Variants in MYBBP1A observed in about 807,000 individuals in gnomAD.
The protein encoded by MYBBP1A is MYB binding protein 1a, also known as myb-binding protein 1A.
MYBBP1A carries 147 observed loss-of-function variants against 136.3 expected under a neutral mutation model. That is an observed-to-expected ratio of 1.08 (90% CI 0.94 to 1.24). The LOEUF (loss-of-function observed/expected upper bound fraction) is 1.24, where lower values mean the gene tolerates loss of function less well. Ranked by LOEUF, MYBBP1A falls within the 50% of genes most tolerant of loss-of-function variation. The pLI, the probability that MYBBP1A is intolerant of heterozygous loss-of-function variation, is 0.00. For synonymous variants in MYBBP1A, 947 were observed against 735.8 expected, an observed-to-expected ratio of 1.29 and a Z score of -4.65; for missense variants, 2,060 against 1,727.4, an observed-to-expected ratio of 1.19 and a Z score of -3.41.
At chr17:4,542,826 G>C in intron 20 of MYBBP1A, 85 bp from the exon 21 acceptor site, 2 of 1,601,538 alleles carry the variant, frequency 1.2e-6, no homozygotes, top group Non-Finnish European at 1.7e-6. Flanking sequence ...TCATCAGAAG[G>C]CTGAGGGTTG....
At chr17:4,545,478 G>T (rs1906918898) in intron 15 of MYBBP1A, 132 bp downstream of exon 15, 2 of 1,494,602 alleles carry the variant, frequency 1.3e-6, no homozygotes, top group South Asian at 2.5e-5. Context: ...GCCAGGCCAA[G>T]GCCTCGTTGA....
chr17:4,540,158 CTCCTGCGAGGG>C (rs1906248075), intron 25 of MYBBP1A, among the ~76,000 whole-genome samples, 179 bp downstream of exon 25: 1 of 124,978 alleles, frequency 8.0e-6, no homozygotes, highest in Admixed American at 7.9e-5. Flanking sequence ...TCCTGCGAGG[CTCCTGCGAGGG>C]TCCTGTGAGG....
rs9910964 is a variant in MYBBP1A at position 4,545,029 on chromosome 17, C to T, written c.2307G>A (p.Ala769=). ...QLMTVLQAGK[A]LGGEDSENEE... is the part of the protein sequence containing the mutation. ...CCCCTCCACCTCCCCCACTCACCAG[C>T]GCCTTCCCAGCCTGCAGCACGGTCA... Residue 769 remains alanine (A), a synonymous_variant, in exon 17 of 26, where the codon GCG becomes GCA. Coordinates refer to ENST00000254718, the MANE Select transcript of MYBBP1A (RefSeq NM_014520.4). 19,131 of 1,530,670 alleles carry T rather than the reference C, an allele frequency of 0.012. 1,876 individuals are homozygous for T. The African/African-American group carries it at 0.23, about 18-fold the overall frequency. The allele number at this position is 1,530,670 out of a possible 1,614,324, so 94.8% of individuals were successfully genotyped here. A position where few individuals can be genotyped will look rare whatever the true frequency, so the allele number is the denominator to read the frequency against.
Position 4,541,524 on chromosome 17 carries a change from T to TG in MYBBP1A, c.3235dup (p.His1079ProfsTer21), listed in dbSNP as rs776760324. The TG allele has an allele frequency of 2.6e-5, 42 of 1,613,278 alleles. No homozygotes were observed. Among genetic ancestry groups the TG allele is most frequent in the Non-Finnish European group, 3.6e-5 (42 of 1,180,048 alleles). ...CTCCAGGGAGGACAGTGCCTGCTGA[T>TG]GCTGCGCCTTGGTCTGCGCCTCCCC... On this transcript the variant is annotated frameshift_variant, in exon 24 of 26. Coordinates refer to ENST00000254718, the MANE Select transcript of MYBBP1A (RefSeq NM_014520.4). LOFTEE classifies it high-confidence loss of function.
chr17:4,551,706 T>A (rs1252191725), intron 8 of MYBBP1A, among the ~76,000 whole-genome samples, 174 bp downstream of exon 8: 1 of 150,582 alleles, frequency 6.6e-6, no homozygotes, highest in Admixed American at 6.6e-5. Flanking sequence ...CAAAACTTCA[T>A]CTCAAAAAAA....
chr17:4,545,494 C>T (rs1906921116), intron 15 of MYBBP1A, 116 bp downstream of exon 15: 4 of 1,492,222 alleles, frequency 2.7e-6, no homozygotes, highest in African/African-American at 2.8e-5. Flanking sequence ...GTTGAGACCC[C>T]TCCCACCGGC....
In MYBBP1A at chr17:4,550,044, C is replaced by G; in HGVS notation, c.1319+14G>C. On this transcript the variant is annotated intron_variant, in intron 9 of 25. Transcript: ENST00000254718. Reference sequence around the variant, plus strand: ...AACTCCTAAATTAGGTGTCCTCCCCCAAGGTCCACTCACATGTGGAGCGAT... The same window carrying G: ...AACTCCTAAATTAGGTGTCCTCCCCGAAGGTCCACTCACATGTGGAGCGAT... 6.3e-7 allele frequency: 1 copy of G among 1,597,202 alleles called. No homozygotes were observed. Among genetic ancestry groups the G allele is most frequent in the African/African-American group, 1.3e-5 (1 of 74,458 alleles).
At chr17:4,540,876 T>G (rs893343082) in intron 24 of MYBBP1A, among the ~76,000 whole-genome samples, 2 of 150,236 alleles carry the variant, frequency 1.3e-5, no homozygotes, top group African/African-American at 4.8e-5. Flanking sequence ...TCCGCCAGCT[T>G]CCGGGAGCCC....
intron 8 of MYBBP1A, among the ~76,000 whole-genome samples, 192 bp downstream of exon 8, chr17:4,551,688 G>A (rs1044381263): frequency 1.6e-4 from 25 of 151,924 alleles, no homozygotes; most frequent in Admixed American, 3.3e-4. Context: ...CAGCCTGGGC[G>A]ACAAGAGCAA....
Position 4,548,739 on chromosome 17 carries a change from G to A in MYBBP1A, c.1431-90C>T. ...TGGATGGTACCACCGAGGGTACAAG[G>A]CCAGGAGGAGGAGGAGCCGCCCTTC... is the stretch of plus-strand genomic sequence containing the variant. On this transcript the variant is annotated intron_variant, in intron 10 of 25. Coordinates refer to ENST00000254718, the MANE Select transcript of MYBBP1A (RefSeq NM_014520.4). The surrounding 1 kb of genome is among the most constrained non-coding windows in gnomAD (Gnocchi z 4.2). 1 of 1,558,068 alleles carries A rather than the reference G, an allele frequency of 6.4e-7. No individual in the cohort carries two copies. Among genetic ancestry groups the A allele is most frequent in the Non-Finnish European group, 8.7e-7 (1 of 1,145,354 alleles).
chr17:4,553,687 A>T (rs369876625), intron 5 of MYBBP1A, 123 bp downstream of exon 5: 2 of 712,756 alleles, frequency 2.8e-6, no homozygotes, highest in East Asian at 2.7e-5. Context: ...AGTCACTGAA[A>T]CGCTTCAAAT....
chr17:4,543,055 G>A lies in MYBBP1A; in HGVS notation c.2750C>T (p.Ser917Phe). 6.2e-7 allele frequency: 1 copy of A among 1,613,462 alleles called. No homozygotes were observed. Among genetic ancestry groups the A allele is most frequent in the Non-Finnish European group, 8.5e-7 (1 of 1,179,960 alleles). The change falls in exon 20 of 26, where the codon TCC (serine) becomes TTC (phenylalanine). Residue 917 changes from serine to phenylalanine, a missense_variant. Ser to Phe is a radical substitution (Grantham distance 155, BLOSUM62 -2). Coordinates refer to ENST00000254718, the MANE Select transcript of MYBBP1A (RefSeq NM_014520.4). ...GTTGAAGTGGTAGAGGGCGGTGGGG[G>A]AGTCGGGCTGGCGGCCAGCCTGCTG... ...LVQQAGRQPDSPTALYHFNAS... is the reference protein window; with the variant it reads ...LVQQAGRQPDFPTALYHFNAS...
Position 4,544,666 on chromosome 17 carries a change from TCAGCAACACGGGGGTGGGCGCA to T in MYBBP1A, c.2482-42_2482-21del. 1 of 1,472,942 alleles carries T rather than the reference TCAGCAACACGGGGGTGGGCGCA, an allele frequency of 6.8e-7. No homozygotes were observed. Among genetic ancestry groups the T allele is most frequent in the South Asian group, 1.2e-5 (1 of 82,488 alleles). The allele number at this position is 1,472,942 out of a possible 1,614,324, so 91.2% of individuals were successfully genotyped here. A position where few individuals can be genotyped will look rare whatever the true frequency, so the allele number is the denominator to read the frequency against. On this transcript the variant is annotated intron_variant, in intron 18 of 25. Transcript: ENST00000254718. ...CAGCACCTGCAGCCAGGAGGGCAGG[TCAGCAACACGGGGGTGGGCGCA>T]CAGGGAGGCGGGGGTGGGCGCACAG...
Position 4,552,450 on chromosome 17 carries a change from C to G in MYBBP1A, c.737+1G>C, listed in dbSNP as rs183353470. ...GGCAAATCCGCCCACCTCCATCACA[C>G]CTGGGGACATTCTCATCTGAGAATA... is the stretch of plus-strand genomic sequence containing the variant. On this transcript the variant is annotated splice_donor_variant, in intron 6 of 25. Transcript: ENST00000254718. LOFTEE classifies it high-confidence loss of function. This position sits in a 1 kb window ranked among gnomAD's most constrained non-coding sequence, Gnocchi z 4.7. 2.5e-6 allele frequency: 4 copies of G among 1,612,640 alleles called. No individual in the cohort carries two copies. The African/African-American group carries it at 4.0e-5, about 16-fold the overall frequency.
In MYBBP1A at chr17:4,544,665, G is replaced by A. The variant is rs1228960701; in HGVS notation, c.2482-19C>T. On this transcript the variant is annotated intron_variant, in intron 18 of 25. Transcript: ENST00000254718. ...CCAGCACCTGCAGCCAGGAGGGCAG[G>A]TCAGCAACACGGGGGTGGGCGCACA... The A allele has an allele frequency of 1.2e-5, 18 of 1,537,196 alleles. No homozygotes were observed. Among genetic ancestry groups the A allele is most frequent in the Non-Finnish European group, 1.4e-5 (16 of 1,143,788 alleles).
Position 4,553,818 on chromosome 17 carries a change from G to A in MYBBP1A, c.553C>T (p.Leu185Phe), listed in dbSNP as rs200574983. The A allele has an allele frequency of 1.9e-6, 3 of 1,613,968 alleles. No individual in the cohort carries two copies. The highest frequency in any genetic ancestry group is 1.7e-6 in the Non-Finnish European group (2 of 1,179,960). ...EQPRKALVDI[L>F]SEVSKATLQE... ...AGCTGGGGAGCTCATACCTCGGAGA[G>A]GATGTCCACCAGGGCCTTCCGGGGC... Residue 185 changes from leucine (L) to phenylalanine (F), a missense_variant, in exon 5 of 26, where the codon CTC (leucine) becomes TTC (phenylalanine). Physicochemically the swap from Leu to Phe is conservative, Grantham distance 22. Transcript: ENST00000254718.
intron 22 of MYBBP1A, chr17:4,542,250 C>A (rs563831130): frequency 4.9e-5 from 30 of 607,498 alleles, no homozygotes; most frequent in Middle Eastern, 4.4e-4. Context: ...GCTGGCCCTG[C>A]CCCCTCAGCT....
At chr17:4,541,713 C>T (rs1253455572) in intron 23 of MYBBP1A, 71 bp downstream of exon 23, 1 of 1,506,098 alleles carries the variant, frequency 6.6e-7, no homozygotes, top group Non-Finnish European at 9.2e-7. Context: ...ATCCTCACTT[C>T]TTTCCCAGAG....
Position 4,548,101 on chromosome 17 carries a change from C to G in MYBBP1A, c.1724+42G>C, listed in dbSNP as rs776118003. The stretch of plus-strand genomic sequence containing the variant: ...TTCCCAGGCCCCTGCACCAGTCAGA[C>G]TGCAGCGTCCTGCCCACCCCCTGGA... On this transcript the variant is annotated intron_variant, in intron 12 of 25. Coordinates refer to ENST00000254718, the MANE Select transcript of MYBBP1A (RefSeq NM_014520.4). The surrounding 1 kb of genome is among the most constrained non-coding windows in gnomAD (Gnocchi z 4.2). 7 of 1,602,142 alleles carry G rather than the reference C, an allele frequency of 4.4e-6. No individual in the cohort carries two copies. The highest frequency in any genetic ancestry group is 5.9e-6 in the Non-Finnish European group (7 of 1,178,282).
Sources: allele counts gnomAD v4.1 joint callset (sites outside exome capture counted in the v4.1 genomes callset), GRCh38; gene constraint gnomAD v4.1.1; non-coding constraint Gnocchi (gnomAD v3.1); transcripts MANE v1.5; gene names NCBI Gene and HGNC (gene_info 2026-07-23, HGNC 2026-07-21).